CLCA4: variants seen among roughly 807,000 people sequenced by gnomAD.
CLCA4 encodes chloride channel accessory 4, also known as calcium-activated chloride channel regulator 4.
CLCA4 carries 69 observed loss-of-function variants against 78.9 expected under a neutral mutation model. That is an observed-to-expected ratio of 0.87 (90% CI 0.72 to 1.07). The LOEUF is 1.07. CLCA4 is among the 50% of genes least tolerant of loss of function. CLCA4 has a pLI of 0.00. For missense variants in CLCA4, 1,133 were observed against 1,095.8 expected, an observed-to-expected ratio of 1.03 and a Z score of -0.48; for synonymous variants, 362 against 375.8, an observed-to-expected ratio of 0.96 and a Z score of 0.42.
chr1:86,576,226 C>A (rs1002246267), intron 11 of CLCA4, among the ~76,000 whole-genome samples: 1 of 151,996 alleles, frequency 6.6e-6, no homozygotes, highest in Non-Finnish European at 1.5e-5. Context: ...TTCAGTAGCA[C>A]CATTTCAGCT....
rs1334847639 is a variant in CLCA4 at position 86,572,697 on chromosome 1, G to C, written c.1444G>C (p.Asp482His). 5 of 1,598,280 alleles carry C rather than the reference G, an allele frequency of 3.1e-6. No homozygotes were observed. Among genetic ancestry groups the C allele is most frequent in the Non-Finnish European group, 4.3e-6 (5 of 1,166,080 alleles). ...TGGGGCTCTTACATCAGGAAATACT[G>C]ATCTCTCCCAGAAGTCCCTTCAGGT... ...AFGALTSGNTDLSQKSLQLES... is the reference protein window; with the variant it reads ...AFGALTSGNTHLSQKSLQLES... Residue 482 changes from aspartate (D) to histidine (H), a missense_variant, in exon 9 of 14, where the codon GAT becomes CAT. By Grantham distance (81) the Asp-to-His change is moderately conservative. Transcript: ENST00000370563.
chr1:86,570,990 T>C, intron 7 of CLCA4, 87 bp from the exon 8 acceptor site: 1 of 961,316 alleles, frequency 1.0e-6, no homozygotes, highest in Non-Finnish European at 1.6e-6. Flanking sequence ...CTTTGTTTAT[T>C]TTCTCTGTAA....
At chr1:86,578,139 G>A (rs1570339995) in intron 12 of CLCA4, 67 bp downstream of exon 12, 1 of 1,392,242 alleles carries the variant, frequency 7.2e-7, no homozygotes, top group East Asian at 2.5e-5. Context: ...GATATAATTA[G>A]GCTTCAAACA....
rs753163783 is a variant in CLCA4, at chr1:86,574,622, C to T, written c.1550C>T (p.Thr517Met). The T allele has an allele frequency of 1.4e-5, 22 of 1,612,232 alleles. No homozygotes were observed. The highest frequency in any genetic ancestry group is 3.3e-5 in the South Asian group (3 of 91,040). Residue 517 changes from threonine (T) to methionine (M), a missense_variant, in exon 10 of 14, where the codon ACG becomes ATG. Physicochemically the swap from Thr to Met is moderately conservative, Grantham distance 81. Transcript: ENST00000370563. ...VIIDSTVGKD[T>M]FFLITWNSLP... ...ATTGATAGTACAGTGGGAAAGGACA[C>T]GTTCTTTCTCATCACATGGAACAGT...
chr1:86,553,253 G>A (rs543524698), intron 1 of CLCA4: 3 of 916,402 alleles, frequency 3.3e-6, no homozygotes, highest in Non-Finnish European at 5.3e-6. Context: ...GCTGCAAGCT[G>A]TACGAGGACA....
intron 7 of CLCA4, among the ~76,000 whole-genome samples, 180 bp downstream of exon 7, chr1:86,567,831 A>AACAACCC (rs1203936452): frequency 6.6e-6 from 1 of 152,056 alleles, no homozygotes; most frequent in Non-Finnish European, 1.5e-5. Context: ...TGAATCAATG[A>AACAACCC]ACAACCCATG....
chr1:86,565,631 C>T (rs1201020205), intron 5 of CLCA4, among the ~76,000 whole-genome samples, 171 bp from the exon 6 acceptor site: 5 of 151,922 alleles, frequency 3.3e-5, no homozygotes, highest in East Asian at 3.9e-4. Flanking sequence ...ATTACGTTAC[C>T]ATAATTCTTA....
intron 1 of CLCA4, among the ~76,000 whole-genome samples, chr1:86,554,227 A>G (rs1464026213): frequency 6.6e-6 from 1 of 152,094 alleles, no homozygotes; most frequent in East Asian, 1.9e-4. Flanking sequence ...CTCCCATTAT[A>G]AGTGAGAACA....
chr1:86,574,780 C>T, intron 10 of CLCA4, 25 bp downstream of exon 10: 1 of 1,535,292 alleles, frequency 6.5e-7, no homozygotes, highest in Non-Finnish European at 9.0e-7. Context: ...TTTAGACTTC[C>T]TGTCAACATT....
Position 86,579,550 on chromosome 1 carries a change from A to G in CLCA4, c.2319A>G (p.Thr773=), listed in dbSNP as rs1291715279. 2.5e-6 allele frequency: 4 copies of G among 1,590,548 alleles called. No homozygotes were observed. In the South Asian group the frequency reaches 3.3e-5, roughly 13 times the overall value. The change falls in exon 13 of 14, where the codon ACA becomes ACG. Residue 773 remains threonine (T), a synonymous_variant. Transcript: ENST00000370563. ...TTCATGAGGATAAGATTATTCTTAC[A>G]TGGACAGCACCAGGAGATAATTTTG... ...ATVHEDKIIL[T]WTAPGDNFDV... is the part of the protein sequence containing the mutation.
rs891880886 is a variant in CLCA4 at position 86,580,347 on chromosome 1, C to T, written c.*2C>T. The T allele has an allele frequency of 6.4e-7, 1 of 1,556,808 alleles. No individual in the cohort carries two copies. ...TTTATTTTAAGTACCACCATTTGAA[C>T]CTTAACGAAGAAAAAAATCTTCAAG... On this transcript the variant is annotated 3_prime_UTR_variant, in exon 14 of 14. Coordinates refer to ENST00000370563, the MANE Select transcript of CLCA4 (RefSeq NM_012128.4).
intron 3 of CLCA4, among the ~76,000 whole-genome samples, 175 bp downstream of exon 3, chr1:86,560,533 C>A (rs983610629): frequency 2.6e-5 from 4 of 152,110 alleles, no homozygotes; most frequent in Non-Finnish European, 4.4e-5. Context: ...TTATTCCCTA[C>A]AAAATGGCAA....
chr1:86,579,459 A>T lies in CLCA4; in HGVS notation c.2228A>T (p.Gln743Leu), dbSNP rs375324803. 43 of 1,613,232 alleles carry T rather than the reference A, an allele frequency of 2.7e-5. No individual in the cohort carries two copies. Among genetic ancestry groups the T allele is most frequent in the Non-Finnish European group, 3.6e-5 (43 of 1,179,536 alleles). ...TCCGGAGGTGCATTTGTGGTATCAC[A>T]AGTCCCAAGCCTTCCCTTGCCTGAC... ...TASGGAFVVS[Q>L]VPSLPLPDQY... The change falls in exon 13 of 14, where the codon CAA (glutamine) becomes CTA (leucine). Residue 743 changes from glutamine (Q) to leucine (L), a missense_variant. Coordinates refer to ENST00000370563, the MANE Select transcript of CLCA4 (RefSeq NM_012128.4).
chr1:86,572,485 T>C (rs1052760403), intron 8 of CLCA4, 129 bp from the exon 9 acceptor site: 2 of 601,616 alleles, frequency 3.3e-6, no homozygotes, highest in Non-Finnish European at 3.0e-6. Context: ...TGTACAACTA[T>C]GTGCTTTTGG....
chr1:86,579,210 C>A, intron 12 of CLCA4, 144 bp from the exon 13 acceptor site: 2 of 643,290 alleles, frequency 3.1e-6, no homozygotes, highest in Non-Finnish European at 5.5e-6. Flanking sequence ...ACCAGTTGGG[C>A]GCTTATGATT....
intron 8 of CLCA4, among the ~76,000 whole-genome samples, 193 bp from the exon 9 acceptor site, chr1:86,572,421 G>C (rs1311109326): frequency 6.6e-6 from 1 of 151,930 alleles, no homozygotes; most frequent in Non-Finnish European, 1.5e-5. Context: ...AGGTATTATG[G>C]TAGCTTTCAT....
In CLCA4 at chr1:86,575,407, G is replaced by A; in HGVS notation, c.1759G>A (p.Ala587Thr). ...AACTATTACAGTAACTTCTCGAGCA[G>A]CAAATTCTTCTGTGCCTCCAATCAC... is the stretch of plus-strand genomic sequence containing the variant. ...TLTITVTSRA[A>T]NSSVPPITVN... Residue 587 changes from alanine (A) to threonine (T), a missense_variant, in exon 11 of 14, where the codon GCA becomes ACA. Physicochemically the swap from Ala to Thr is moderately conservative, Grantham distance 58. Transcript: ENST00000370563. 1 of 1,613,348 alleles carries A rather than the reference G, an allele frequency of 6.2e-7. No individual in the cohort carries two copies.
intron 1 of CLCA4, among the ~76,000 whole-genome samples, chr1:86,551,619 C>CAGAG (rs1245718308): frequency 6.6e-6 from 1 of 152,188 alleles, no homozygotes; most frequent in Non-Finnish European, 1.5e-5. Context: ...ACCAATCTAA[C>CAGAG]AGAGCAGCAC....
chr1:86,572,801 C>A (rs1474676854), intron 9 of CLCA4, 81 bp downstream of exon 9: 5 of 819,142 alleles, frequency 6.1e-6, no homozygotes, highest in Non-Finnish European at 4.3e-6. Context: ...GTTTTGAGTT[C>A]CATATTTTTC....
Sources: gnomAD v4.1 joint callset for allele counts (sites outside exome capture counted in the v4.1 genomes callset) on GRCh38, gnomAD v4.1.1 for gene constraint, MANE v1.5 for transcripts, NCBI Gene and HGNC (gene_info 2026-07-23, HGNC 2026-07-21) for gene names.